Variants in CEP83 observed in about 807,000 individuals in gnomAD.
CEP83 encodes the protein centrosomal protein 83.
A neutral mutation model predicts 101.9 loss-of-function variants in CEP83; 70 were observed. That is an observed-to-expected ratio of 0.69 (90% CI 0.57 to 0.84). The LOEUF is 0.84. CEP83 is among the 40% of genes least tolerant of loss of function. The pLI, the probability that CEP83 is intolerant of heterozygous loss-of-function variation, is 0.00. For missense variants in CEP83, 715 were observed against 787.2 expected (o/e 0.91, Z 1.10); for synonymous variants, 264 against 267.9 (o/e 0.99, Z 0.14).
chr12:94,337,142 G>A (rs779289823), intron 11 of CEP83, among the ~76,000 whole-genome samples: 3 of 152,112 alleles, frequency 2.0e-5, no homozygotes, highest in Non-Finnish European at 2.9e-5. Context: ...AGAAAGTTAT[G>A]GCCTAATGCT....
intron 1 of CEP83, among the ~76,000 whole-genome samples, chr12:94,441,649 C>T (rs1245910312): frequency 6.6e-6 from 1 of 152,218 alleles, no homozygotes; most frequent in African/African-American, 2.4e-5. Flanking sequence ...GGCGTTGTGG[C>T]TCACGCCTGT....
intron 11 of CEP83, among the ~76,000 whole-genome samples, chr12:94,356,249 G>A (rs759625370): frequency 2.0e-5 from 3 of 152,142 alleles, no homozygotes; most frequent in Non-Finnish European, 4.4e-5. Context: ...GGTCTGGTTC[G>A]TTTCATCTTA....
At chr12:94,267,528 T>C in the CEP83 span, among the ~76,000 whole-genome samples, 4 of 152,302 alleles carry the variant, frequency 2.6e-5, no homozygotes, top group African/African-American at 9.6e-5. Context: ...GAAATCCACA[T>C]AAATCTTCCT....
At chr12:94,266,096 G>A in the CEP83 span, among the ~76,000 whole-genome samples, 1 of 152,346 alleles carries the variant, frequency 6.6e-6, no homozygotes, top group East Asian at 1.9e-4. Flanking sequence ...TTTGGGAATT[G>A]CTCATTAAGA....
chr12:94,432,130 C>T (rs1305253337), intron 2 of CEP83, among the ~76,000 whole-genome samples: 1 of 151,888 alleles, frequency 6.6e-6, no homozygotes, highest in Non-Finnish European at 1.5e-5. Flanking sequence ...TCTCAGCTCA[C>T]TGCAAGCTCT....
chr12:94,400,730 T>G (rs761418666), intron 6 of CEP83, 120 bp downstream of exon 6: 1 of 467,686 alleles, frequency 2.1e-6, no homozygotes, highest in Non-Finnish European at 3.2e-6. Flanking sequence ...TGATGAATAC[T>G]CCACCATTAA....
In CEP83 at chr12:94,426,160, G is replaced by T. The variant is rs146102190; in HGVS notation, c.-102+9115C>A. Reference sequence around the variant, plus strand: ...AGAAATGAAAACAAATCTAAAATTTGTCTCATTGCACTAATTACCATTTAG... The same window carrying T: ...AGAAATGAAAACAAATCTAAAATTTTTCTCATTGCACTAATTACCATTTAG... On this transcript the variant is annotated intron_variant, in intron 2 of 16. Transcript: ENST00000397809. Among the ~76,000 whole-genome samples, 25 of 151,222 alleles carry T rather than the reference G, an allele frequency of 1.7e-4. No individual in the cohort carries two copies. In the East Asian group the frequency reaches 4.7e-3, roughly 28 times the overall value.
intron 6 of CEP83, among the ~76,000 whole-genome samples, chr12:94,380,717 T>C (rs2061802645): frequency 6.6e-6 from 1 of 152,182 alleles, no homozygotes; most frequent in Admixed American, 6.5e-5. Flanking sequence ...TACTGAGTAC[T>C]TACTATGGAT....
At chr12:94,366,836 T>C (rs2061048935) in intron 11 of CEP83, among the ~76,000 whole-genome samples, 4 of 152,078 alleles carry the variant, frequency 2.6e-5, no homozygotes, top group African/African-American at 9.7e-5. Flanking sequence ...CAGAACATCC[T>C]GTAATGACAG....
chr12:94,423,827 C>T (rs113819289), intron 2 of CEP83: 45 of 1,613,350 alleles, frequency 2.8e-5, no homozygotes, highest in Admixed American at 3.3e-5. Context: ...CTGCTCTCCT[C>T]GACTGAAACA....
the CEP83 span, among the ~76,000 whole-genome samples, chr12:94,299,033 T>C: frequency 2.0e-5 from 3 of 152,234 alleles, no homozygotes; most frequent in Admixed American, 6.5e-5. Flanking sequence ...TGGTGCATGA[T>C]ACTTTGTCTA....
At chr12:94,293,686 A>G in the CEP83 span, among the ~76,000 whole-genome samples, 2 of 152,160 alleles carry the variant, frequency 1.3e-5, no homozygotes, top group Non-Finnish European at 2.9e-5. Context: ...TGGCACAGTC[A>G]GGGCTCACTG....
chr12:94,268,791 C>T, the CEP83 span, among the ~76,000 whole-genome samples: 250 of 151,936 alleles, frequency 1.6e-3, 1 homozygote, highest in African/African-American at 5.7e-3. Context: ...AACGGGTTTT[C>T]GCCGTGTTGG....
chr12:94,345,325 G>A (rs747663212), intron 11 of CEP83, among the ~76,000 whole-genome samples: 1 of 152,162 alleles, frequency 6.6e-6, no homozygotes, highest in East Asian at 1.9e-4. Flanking sequence ...TACATTCATG[G>A]TTCCTGGCTC....
intron 14 of CEP83, among the ~76,000 whole-genome samples, chr12:94,318,767 TA>T (rs1414350737): frequency 1.3e-5 from 2 of 152,180 alleles, no homozygotes; most frequent in East Asian, 3.9e-4. Flanking sequence ...AAAACCTACA[TA>T]ATCATGGTAG....
the CEP83 span, among the ~76,000 whole-genome samples, chr12:94,281,646 C>A: frequency 6.6e-6 from 1 of 152,154 alleles, no homozygotes; most frequent in African/African-American, 2.4e-5. Context: ...GTCTTGAACT[C>A]CTAGCCTCAA....
At chr12:94,403,843 A>G (rs922123447) in intron 4 of CEP83, among the ~76,000 whole-genome samples, 19 of 151,864 alleles carry the variant, frequency 1.3e-4, no homozygotes, top group African/African-American at 4.6e-4. Context: ...GAACCACTCA[A>G]CTATTTCATG....
At chr12:94,312,596 A>G (rs1417051265) in intron 15 of CEP83, 1 of 985,262 alleles carries the variant, frequency 1.0e-6, no homozygotes, top group East Asian at 1.1e-4. Context: ...TGTAGGCACA[A>G]TTTTCAGAAC....
At chr12:94,457,113 T>C (rs2067740074) in intron 1 of CEP83, among the ~76,000 whole-genome samples, 1 of 152,076 alleles carries the variant, frequency 6.6e-6, no homozygotes, top group Admixed American at 6.6e-5. Context: ...TGCAGACTAA[T>C]ATGGAAAGGA....
Sources: gnomAD v4.1 joint callset for allele counts (sites outside exome capture counted in the v4.1 genomes callset) on GRCh38, gnomAD v4.1.1 for gene constraint, MANE v1.5 for transcripts, NCBI Gene and HGNC (gene_info 2026-07-23, HGNC 2026-07-21) for gene names.